Variants in ELP1 observed in about 807,000 individuals in gnomAD.
ELP1 encodes the protein elongator complex protein 1.
Under a neutral mutation model 183.2 loss-of-function variants are expected in ELP1, and 131 were observed. The observed-to-expected ratio is 0.72, with a 90% CI of 0.62 to 0.83. The LOEUF (loss-of-function observed/expected upper bound fraction) is 0.83, where lower values mean the gene tolerates loss of function less well. ELP1 is among the 40% of genes least tolerant of loss of function. ELP1 has a pLI of 0.00. For missense variants in ELP1, 1,550 were observed against 1,594.9 expected, an observed-to-expected ratio of 0.97 and a Z score of 0.48; for synonymous variants, 555 against 569.0, an observed-to-expected ratio of 0.98 and a Z score of 0.35.
Position 108,901,627 on chromosome 9 carries a change from C to T in ELP1, c.1908+1G>A. ...TCCAACACCAAACCAAGCCTTGATACCTCAATGTCATTGATGAAAAAGCGA... is the reference window on the plus strand; with the variant it reads ...TCCAACACCAAACCAAGCCTTGATATCTCAATGTCATTGATGAAAAAGCGA... On this transcript the variant is annotated splice_donor_variant, in intron 17 of 36. Coordinates refer to ENST00000374647, the MANE Select transcript of ELP1 (RefSeq NM_003640.5). LOFTEE classifies it high-confidence loss of function. 2 of 1,614,114 alleles carry T rather than the reference C, an allele frequency of 1.2e-6. No homozygotes were observed. Among genetic ancestry groups the T allele is most frequent in the Non-Finnish European group, 1.7e-6 (2 of 1,179,946 alleles).
chr9:108,929,321 C>T (rs1351485920), intron 3 of ELP1, among the ~76,000 whole-genome samples: 1 of 152,180 alleles, frequency 6.6e-6, no homozygotes, highest in African/African-American at 2.4e-5. Context: ...ATCACATGTG[C>T]AGGTAATGAC....
intron 10 of ELP1, among the ~76,000 whole-genome samples, chr9:108,914,004 C>G (rs1829331328): frequency 6.6e-6 from 1 of 152,096 alleles, no homozygotes; most frequent in South Asian, 2.1e-4. Context: ...CTGAACTGAA[C>G]TCTTGAGATG....
rs746175465 is a variant in ELP1 at position 108,900,381 on chromosome 9, C to T, written c.2015-6G>A. 1.9e-6 allele frequency: 3 copies of T among 1,602,028 alleles called. No individual in the cohort carries two copies. Among genetic ancestry groups the T allele is most frequent in the Non-Finnish European group, 2.6e-6 (3 of 1,169,156 alleles). On this transcript the variant is annotated splice_region_variant and splice_polypyrimidine_tract_variant and intron_variant, in intron 18 of 36. Transcript: ENST00000374647. Reference sequence around the variant, plus strand: ...GCTCAGGCCGGCCTGTAATGCTAAACACACCATTAACTAATAAGCCTTAAT... The same window carrying T: ...GCTCAGGCCGGCCTGTAATGCTAAATACACCATTAACTAATAAGCCTTAAT...
At chr9:108,882,417 T>C (rs1827965025) in intron 29 of ELP1, among the ~76,000 whole-genome samples, 1 of 152,024 alleles carries the variant, frequency 6.6e-6, no homozygotes. Context: ...GTAAGCATCA[T>C]CTCTCTGCAC....
At chr9:108,877,828 C>T (rs1330773449) in intron 35 of ELP1, among the ~76,000 whole-genome samples, 167 bp downstream of exon 35, 1 of 152,234 alleles carries the variant, frequency 6.6e-6, no homozygotes, top group East Asian at 1.9e-4. Flanking sequence ...AGTCACTCTA[C>T]AGGCAAATAT....
chr9:108,895,447 T>C (rs1828503631), intron 25 of ELP1, among the ~76,000 whole-genome samples: 1 of 151,780 alleles, frequency 6.6e-6, no homozygotes, highest in South Asian at 2.1e-4. Flanking sequence ...TCAAAGCCCA[T>C]GGATGGCAGA....
rs1373228510 is a variant in ELP1, at chr9:108,868,531, CCCT to C, written c.*581_*583del. The stretch of plus-strand genomic sequence containing the variant: ...GAAAATACACAGGCAGTAAAACAGT[CCCT>C]ATAGACATTGTAATTATAGGAGGCT... On this transcript the variant is annotated 3_prime_UTR_variant, in exon 37 of 37. Transcript: ENST00000374647. 4.7e-6 allele frequency: 2 copies of C among 423,622 alleles called. No individual in the cohort carries two copies. The highest frequency in any genetic ancestry group is 8.3e-6 in the Non-Finnish European group (2 of 241,398). The allele number at this position is 423,622 out of a possible 1,614,324, so 26.2% of individuals were successfully genotyped here.
intron 35 of ELP1, 110 bp from the exon 36 acceptor site, chr9:108,875,080 T>C (rs1435645691): frequency 1.3e-6 from 1 of 778,904 alleles, no homozygotes; most frequent in East Asian, 2.5e-5. Context: ...TTTCTACTGG[T>C]ATGGTGTGAA....
At chr9:108,879,630 T>A in intron 32 of ELP1, 73 bp from the exon 33 acceptor site, 2 of 1,026,866 alleles carry the variant, frequency 1.9e-6, no homozygotes. Context: ...GGGCGGTAAA[T>A]GAACTAACTA....
At chr9:108,902,166 T>C (rs1828831875) in intron 16 of ELP1, among the ~76,000 whole-genome samples, 1 of 152,196 alleles carries the variant, frequency 6.6e-6, no homozygotes, top group African/African-American at 2.4e-5. Flanking sequence ...GATGAGCTCT[T>C]GCTAAGCTCA....
intron 35 of ELP1, among the ~76,000 whole-genome samples, chr9:108,876,224 C>A (rs1827700877): frequency 1.3e-5 from 2 of 151,912 alleles, no homozygotes; most frequent in Non-Finnish European, 2.9e-5. Flanking sequence ...CTGCAGTGAG[C>A]GGTGATCACT....
At chr9:108,904,141 A>G (rs1177472962) in intron 14 of ELP1, among the ~76,000 whole-genome samples, 5 of 152,186 alleles carry the variant, frequency 3.3e-5, no homozygotes, top group African/African-American at 1.2e-4. Flanking sequence ...TCACTATCAT[A>G]TCGATTGATG....
At chr9:108,924,125 TTCC>T (rs1400166322) in intron 5 of ELP1, among the ~76,000 whole-genome samples, 1 of 152,208 alleles carries the variant, frequency 6.6e-6, no homozygotes. Flanking sequence ...AAGAGAACTT[TTCC>T]AATGGAAGAC....
chr9:108,876,583 T>C (rs1827715609), intron 35 of ELP1, among the ~76,000 whole-genome samples: 1 of 152,162 alleles, frequency 6.6e-6, no homozygotes, highest in Non-Finnish European at 1.5e-5. Context: ...TTCTATCCAC[T>C]GCTTGTGGTG....
chr9:108,904,641 G>C (rs1398983821), intron 14 of ELP1, among the ~76,000 whole-genome samples: 1 of 152,180 alleles, frequency 6.6e-6, no homozygotes, highest in Non-Finnish European at 1.5e-5. Flanking sequence ...ATTTGATCCT[G>C]GCTCCACCTG....
chr9:108,897,195 A>G lies in ELP1; in HGVS notation c.2454T>C (p.Leu818=), dbSNP rs893395625. 2 of 1,614,038 alleles carry G rather than the reference A, an allele frequency of 1.2e-6. No homozygotes were observed. Among genetic ancestry groups the G allele is most frequent in the Non-Finnish European group, 1.7e-6 (2 of 1,180,038 alleles). Residue 818 remains leucine (L), a synonymous_variant, in exon 23 of 37, where the codon CTT becomes CTC. Coordinates refer to ENST00000374647, the MANE Select transcript of ELP1 (RefSeq NM_003640.5). ...TGACTGCTCTCATAGCATCGCAGAC[A>G]AGGTCTATTTTATTCCCGTCAGGAT... The part of the protein sequence containing the change: ...SRDPDGNKID[L]VCDAMRAVME...
At position 108,917,574 on chromosome 9, in the gene ELP1, T is replaced by C. The variant is rs1829488367; in HGVS notation, c.837A>G (p.Thr279=). 2 of 1,613,850 alleles carry C rather than the reference T, an allele frequency of 1.2e-6. No individual in the cohort carries two copies. The highest frequency in any genetic ancestry group is 1.7e-6 in the Non-Finnish European group (2 of 1,179,956). The change falls in exon 9 of 37, where the codon ACA becomes ACG. Residue 279 remains threonine, a synonymous_variant. Transcript: ENST00000374647. ...TAACCTCATCTTTAAGGAAGGGAAGTGTAAAGTGTCCATGAAGGAGTCCAT... is the reference window on the plus strand; with the variant it reads ...TAACCTCATCTTTAAGGAAGGGAAGCGTAAAGTGTCCATGAAGGAGTCCAT... The part of the protein sequence containing the change: ...EKNGLLHGHF[T]LPFLKDEVKV...
At chr9:108,918,956 T>C (rs1365670960) in intron 7 of ELP1, 55 bp from the exon 8 acceptor site, 11 of 1,348,858 alleles carry the variant, frequency 8.2e-6, no homozygotes, top group African/African-American at 2.9e-5. Context: ...ATGATAAAAG[T>C]TGTCAATTCA....
chr9:108,928,611 T>C (rs757764635), intron 3 of ELP1, among the ~76,000 whole-genome samples: 39 of 152,100 alleles, frequency 2.6e-4, no homozygotes, highest in Non-Finnish European at 4.3e-4. Flanking sequence ...GGGGAACAGA[T>C]AGTGAAAGGG....
Sources: allele counts gnomAD v4.1 joint callset (sites outside exome capture counted in the v4.1 genomes callset), GRCh38; gene constraint gnomAD v4.1.1; transcripts MANE v1.5; gene names NCBI Gene and HGNC (gene_info 2026-07-23, HGNC 2026-07-21).